CRACR2A: variants seen among roughly 807,000 people sequenced by gnomAD.
CRACR2A encodes the protein EF-hand calcium-binding domain-containing protein 4B.
CRACR2A carries 79 observed loss-of-function variants against 90.5 expected under a neutral mutation model. That is an observed-to-expected ratio of 0.87 (90% CI 0.73 to 1.05). The LOEUF is 1.05. Ranked by LOEUF, CRACR2A falls within the 50% of genes least tolerant of loss-of-function variation. CRACR2A has a pLI of 0.00. For missense variants in CRACR2A, 823 were observed against 897.2 expected, an observed-to-expected ratio of 0.92 and a Z score of 1.06; for synonymous variants, 338 against 356.7, an observed-to-expected ratio of 0.95 and a Z score of 0.59.
Position 3,643,861 on chromosome 12 carries a change from T to TAAA in CRACR2A, c.1164+733_1164+734insTTT, listed in dbSNP as rs376983967. Among the ~76,000 whole-genome samples, 201 of 41,236 alleles carry TAAA rather than the reference T, an allele frequency of 4.9e-3. 3 individuals are homozygous for TAAA. The highest frequency in any genetic ancestry group is 0.03 in the Middle Eastern group (2 of 66). 27.1% of individuals were successfully genotyped at this position (41,236 alleles called of 152,430 possible). A position where few individuals can be genotyped will look rare whatever the true frequency, so the allele number is the denominator to read the frequency against. On this transcript the variant is annotated intron_variant, in intron 12 of 19. Coordinates refer to ENST00000440314, the MANE Select transcript of CRACR2A (RefSeq NM_001144958.2). ...ATATAATATATATTATATATTTATA[T>TAAA]TATATATATTATATATATTTATATT...
chr12:3,680,143 A>G, intron 5 of CRACR2A, 95 bp downstream of exon 5: 1 of 986,490 alleles, frequency 1.0e-6, no homozygotes, highest in Non-Finnish European at 1.6e-6. Flanking sequence ...AAGCTTTACT[A>G]CCTGCCCCCC....
At chr12:3,679,156 A>T in intron 5 of CRACR2A, 58 bp from the exon 6 acceptor site, 11 of 1,466,594 alleles carry the variant, frequency 7.5e-6, no homozygotes, top group African/African-American at 1.4e-5. Flanking sequence ...GGAAGAGCTC[A>T]GCTTTCTCAC....
chr12:3,678,057 A>C (rs1313073130), intron 6 of CRACR2A, among the ~76,000 whole-genome samples: 1 of 152,188 alleles, frequency 6.6e-6, no homozygotes, highest in Non-Finnish European at 1.5e-5. Context: ...GGGCATTCCC[A>C]CACTACAGGA....
intron 4 of CRACR2A, among the ~76,000 whole-genome samples, chr12:3,681,637 C>T (rs1041634670): frequency 3.9e-5 from 6 of 152,178 alleles, no homozygotes; most frequent in African/African-American, 4.8e-5. Flanking sequence ...GGTAACCGTG[C>T]GAAATTGCCA....
intron 13 of CRACR2A, chr12:3,640,921 T>C: frequency 1.0e-6 from 1 of 962,352 alleles, no homozygotes; most frequent in Non-Finnish European, 1.4e-6. Flanking sequence ...TTTGAGTTAA[T>C]TAAATATAGG....
rs557512530 is a variant in CRACR2A at position 3,666,911 on chromosome 12, G to A, written c.671+6535C>T. On this transcript the variant is annotated intron_variant, in intron 7 of 19. Coordinates refer to ENST00000440314, the MANE Select transcript of CRACR2A (RefSeq NM_001144958.2). ...AATGTAGCTTCTGCCTTTTGTAAAT[G>A]AAAGCGTAGGCTTGGCCTTGGAGAG... Among the ~76,000 whole-genome samples the A allele has an allele frequency of 5.3e-5, 8 of 152,376 alleles. No individual in the cohort carries two copies. The South Asian group carries it at 1.7e-3, about 32-fold the overall frequency.
chr12:3,708,709 G>A (rs1945968431), intron 3 of CRACR2A, among the ~76,000 whole-genome samples: 1 of 152,234 alleles, frequency 6.6e-6, no homozygotes, highest in Non-Finnish European at 1.5e-5. Context: ...ACAGGCGTGA[G>A]CCATCATGCC....
At chr12:3,657,353 T>C (rs1297339626) in intron 8 of CRACR2A, among the ~76,000 whole-genome samples, 3 of 152,198 alleles carry the variant, frequency 2.0e-5, no homozygotes, top group Admixed American at 2.0e-4. Context: ...CTGGGGTTCC[T>C]GTCATATGGA....
chr12:3,750,751 C>G (rs1210804232), intron 1 of CRACR2A, among the ~76,000 whole-genome samples: 3 of 152,180 alleles, frequency 2.0e-5, no homozygotes, highest in Non-Finnish European at 4.4e-5. Flanking sequence ...TAGCTTCTCT[C>G]AGCTGCATTG....
intron 3 of CRACR2A, among the ~76,000 whole-genome samples, chr12:3,698,074 C>T (rs1945773315): frequency 6.6e-6 from 1 of 152,110 alleles, no homozygotes; most frequent in East Asian, 1.9e-4. Context: ...TAGTTCTGAG[C>T]ATCTGTAAGT....
chr12:3,719,980 G>A (rs865998523), intron 2 of CRACR2A, among the ~76,000 whole-genome samples: 52 of 151,908 alleles, frequency 3.4e-4, no homozygotes, highest in African/African-American at 1.2e-3. Context: ...TTAGCTGGGC[G>A]TGGTGGCGGG....
In CRACR2A at chr12:3,743,787, C is replaced by A. The variant is rs190695513; in HGVS notation, c.-387+9228G>T. Among the ~76,000 whole-genome samples, 4 of 152,220 alleles carry A rather than the reference C, an allele frequency of 2.6e-5. No individual in the cohort carries two copies. In the East Asian group the frequency reaches 7.7e-4, roughly 29 times the overall value. ...AGCTGACTTCATTCCCAGAGTTAAG[C>A]CACATCAGAACCCTGTGCCCTAAAG... On this transcript the variant is annotated intron_variant, in intron 1 of 19. Coordinates refer to ENST00000440314, the MANE Select transcript of CRACR2A (RefSeq NM_001144958.2).
intron 1 of CRACR2A, among the ~76,000 whole-genome samples, chr12:3,742,017 T>C (rs1946534146): frequency 6.6e-6 from 1 of 152,190 alleles, no homozygotes; most frequent in Non-Finnish European, 1.5e-5. Context: ...AGCCCAGCCA[T>C]TTCACAGGTT....
intron 12 of CRACR2A, among the ~76,000 whole-genome samples, chr12:3,643,852 ATATT>A (rs1353554694): frequency 1.0e-4 from 5 of 48,260 alleles, no homozygotes; most frequent in African/African-American, 3.3e-4. Flanking sequence ...TATATATTAT[ATATT>A]TATATTATAT....
chr12:3,737,909 A>G (rs1053949049), intron 1 of CRACR2A, among the ~76,000 whole-genome samples: 8 of 152,218 alleles, frequency 5.3e-5, no homozygotes. Flanking sequence ...TCATCGATAA[A>G]ATGATGTCTT....
At chr12:3,717,024 C>G (rs1339334902) in intron 2 of CRACR2A, among the ~76,000 whole-genome samples, 12 of 152,098 alleles carry the variant, frequency 7.9e-5, no homozygotes, top group Admixed American at 7.9e-4. Context: ...CATTCGATAC[C>G]ACAGGACTTT....
At chr12:3,751,994 C>G (rs771657455) in intron 1 of CRACR2A, among the ~76,000 whole-genome samples, 6 of 152,208 alleles carry the variant, frequency 3.9e-5, no homozygotes, top group Non-Finnish European at 8.8e-5. Context: ...GCAAACTGCT[C>G]TGATTTCATA....
At chr12:3,656,982 A>G (rs1338954907) in intron 8 of CRACR2A, among the ~76,000 whole-genome samples, 12 of 152,182 alleles carry the variant, frequency 7.9e-5, no homozygotes. Flanking sequence ...GGATGTTTTA[A>G]TATCTGCTCC....
rs938156041 is a variant in CRACR2A, at chr12:3,696,882, C to T, written c.118G>A (p.Glu40Lys). The T allele has an allele frequency of 6.2e-7, 1 of 1,614,256 alleles. No homozygotes were observed. Among genetic ancestry groups the T allele is most frequent in the South Asian group, 1.1e-5 (1 of 91,092 alleles). ...TGGCCCGACGTTTGCTCCTGAGTCT[C>T]CTTCTGCTCCAGGCTGTCCAGGGGA... ...LHPLDSLEQKETQEQTSGQLV... is the reference protein window; with the variant it reads ...LHPLDSLEQKKTQEQTSGQLV... Residue 40 changes from glutamate (E) to lysine (K), a missense_variant, in exon 4 of 20, where the codon GAG (glutamate) becomes AAG (lysine). Glu to Lys is a moderately conservative substitution (Grantham distance 56). Coordinates refer to ENST00000440314, the MANE Select transcript of CRACR2A (RefSeq NM_001144958.2).
Sources: allele counts gnomAD v4.1 joint callset (sites outside exome capture counted in the v4.1 genomes callset), GRCh38; gene constraint gnomAD v4.1.1; transcripts MANE v1.5; gene names NCBI Gene and HGNC (gene_info 2026-07-23, HGNC 2026-07-21).